ESYT2: variants seen among roughly 807,000 people sequenced by gnomAD.
ESYT2 encodes extended synaptotagmin-2.
Under a neutral mutation model 107.2 loss-of-function variants are expected in ESYT2, and 54 were observed. That is an observed-to-expected ratio of 0.50 (90% CI 0.40 to 0.63). The LOEUF (loss-of-function observed/expected upper bound fraction) is 0.63. Among genes scored for constraint, ESYT2 ranks in the 30% least tolerant of loss-of-function variants. The pLI, the probability that ESYT2 is intolerant of heterozygous loss-of-function variation, is 0.00. For synonymous variants in ESYT2, 491 were observed against 434.1 expected (o/e 1.13, Z -1.63); for missense variants, 1,020 against 1,094.5 (o/e 0.93, Z 0.96).
chr7:158,829,471 C>A lies in ESYT2; in HGVS notation c.-53G>T. 8.3e-7 allele frequency: 1 copy of A among 1,210,142 alleles called. No individual in the cohort carries two copies. The highest frequency in any genetic ancestry group is 1.0e-6 in the Non-Finnish European group (1 of 974,978). The allele number at this position is 1,210,142 out of a possible 1,614,324, so 75.0% of individuals were successfully genotyped here. On this transcript the variant is annotated 5_prime_UTR_variant, in exon 1 of 23. Transcript: ENST00000275418. The stretch of plus-strand genomic sequence containing the variant: ...GGCCGAGGCGGGCTGGGTGCTCGCG[C>A]TGATCCCGGGCGGCTCAGCCCCGCG...
intron 1 of ESYT2, among the ~76,000 whole-genome samples, chr7:158,826,991 T>C (rs188245393): frequency 7.4e-5 from 11 of 148,286 alleles, no homozygotes; most frequent in Admixed American, 2.7e-4. Context: ...GGTGAAACCC[T>C]GTTTCTACTA....
intron 1 of ESYT2, among the ~76,000 whole-genome samples, chr7:158,813,458 G>A (rs1840044041): frequency 6.6e-6 from 1 of 152,242 alleles, no homozygotes; most frequent in Admixed American, 6.5e-5. Flanking sequence ...AGTTGTGACA[G>A]ACATAGCAAA....
chr7:158,761,312 AT>A (rs1252524506), intron 11 of ESYT2, among the ~76,000 whole-genome samples, 183 bp downstream of exon 11: 1 of 152,116 alleles, frequency 6.6e-6, no homozygotes, highest in Non-Finnish European at 1.5e-5. Context: ...TCTTAAATTT[AT>A]TTTTCATTTG....
chr7:158,744,419 G>T (rs561012985), intron 16 of ESYT2, among the ~76,000 whole-genome samples: 4 of 152,268 alleles, frequency 2.6e-5, no homozygotes, highest in Admixed American at 1.3e-4. Context: ...CACTCATAAC[G>T]ATGTATACAG....
At chr7:158,748,504 C>A (rs1433832868) in intron 15 of ESYT2, among the ~76,000 whole-genome samples, 1 of 151,990 alleles carries the variant, frequency 6.6e-6, no homozygotes, top group East Asian at 1.9e-4. Context: ...CGGTCTAAAG[C>A]CTTTAGAGTT....
intron 17 of ESYT2, among the ~76,000 whole-genome samples, chr7:158,743,086 G>A (rs1837269668): frequency 2.0e-5 from 3 of 152,164 alleles, no homozygotes; most frequent in South Asian, 2.1e-4. Context: ...CAAATGAATC[G>A]TGATTTTGGA....
chr7:158,815,207 C>A (rs1000260077), intron 1 of ESYT2, among the ~76,000 whole-genome samples: 1 of 152,218 alleles, frequency 6.6e-6, no homozygotes, highest in Admixed American at 6.5e-5. Flanking sequence ...GCTATCCACA[C>A]GGTCTTCCGC....
chr7:158,806,722 C>A (rs545022524), intron 1 of ESYT2, among the ~76,000 whole-genome samples: 1 of 152,284 alleles, frequency 6.6e-6, no homozygotes, highest in South Asian at 2.1e-4. Flanking sequence ...ATTTCATAAT[C>A]GTGATTTAAG....
intron 2 of ESYT2, among the ~76,000 whole-genome samples, chr7:158,798,793 G>A (rs1839549374): frequency 6.6e-6 from 1 of 151,990 alleles, no homozygotes; most frequent in South Asian, 2.1e-4. Context: ...AAGACACATG[G>A]CCAGAGACAC....
At chr7:158,781,591 G>A (rs1165782347) in intron 6 of ESYT2, among the ~76,000 whole-genome samples, 1 of 151,076 alleles carries the variant, frequency 6.6e-6, no homozygotes, top group African/African-American at 2.4e-5. Flanking sequence ...AGAGGTTTGA[G>A]TATAAGACCG....
Position 158,764,803 on chromosome 7 carries a change from G to A in ESYT2, c.975C>T (p.Asp325=). Residue 325 remains aspartate, a synonymous_variant, in exon 9 of 23, where the codon GAC becomes GAT. Transcript: ENST00000275418. ...FIEAQDLQGK[D]TYLKGLVKGK... ...CCTTGACAAGTCCCTTAAGGTAAGT[G>A]TCTTTCCCCTGAAGATCCTGAGCTT... is the stretch of plus-strand genomic sequence containing the variant. The A allele has an allele frequency of 6.2e-7, 1 of 1,614,164 alleles. No individual in the cohort carries two copies. The highest frequency in any genetic ancestry group is 1.1e-5 in the South Asian group (1 of 91,080).
At chr7:158,768,030 T>G (rs1838224823) in intron 7 of ESYT2, among the ~76,000 whole-genome samples, 1 of 152,190 alleles carries the variant, frequency 6.6e-6, no homozygotes, top group Admixed American at 6.6e-5. Context: ...GTAATGTGGT[T>G]TTTGCAATTA....
chr7:158,739,197 G>T (rs7780879), intron 18 of ESYT2, 76 bp from the exon 19 acceptor site: 1 of 1,221,382 alleles, frequency 8.2e-7, no homozygotes, highest in Non-Finnish European at 1.2e-6. Context: ...CACTGTACAC[G>T]ATAAAATAAT....
At position 158,793,677 on chromosome 7, in the gene ESYT2, CT is replaced by C; in HGVS notation, c.556del (p.Arg186GlyfsTer12). The C allele has an allele frequency of 1.2e-6, 2 of 1,613,316 alleles. No homozygotes were observed. The highest frequency in any genetic ancestry group is 1.1e-5 in the South Asian group (1 of 91,046). ...AATCTGAAGGTCCAAAATAATTTGC[CT>C]TTTGTCTACATTTTCAGTGTATACC... is the stretch of plus-strand genomic sequence containing the variant. ...VKVYTENVDK[R>X]QIILDLQISF... On this transcript the variant is annotated frameshift_variant, in exon 4 of 23. Coordinates refer to ENST00000275418, the MANE Select transcript of ESYT2 (RefSeq NM_001367773.1). LOFTEE classifies it high-confidence loss of function.
intron 9 of ESYT2, among the ~76,000 whole-genome samples, chr7:158,764,051 G>A (rs1270024662): frequency 6.6e-6 from 1 of 152,156 alleles, no homozygotes; most frequent in African/African-American, 2.4e-5. Flanking sequence ...CTGTCCTGAA[G>A]GGTAATTCTA....
At chr7:158,742,680 C>G (rs2129471396) in intron 17 of ESYT2, among the ~76,000 whole-genome samples, 1 of 152,358 alleles carries the variant, frequency 6.6e-6, no homozygotes, top group Non-Finnish European at 1.5e-5. Flanking sequence ...CCTGGGCTGG[C>G]TTGAGCAGAG....
Position 158,734,006 on chromosome 7 carries a change from C to G in ESYT2, c.*201G>C. 1 of 614,968 alleles carries G rather than the reference C, an allele frequency of 1.6e-6. No individual in the cohort carries two copies. The highest frequency in any genetic ancestry group is 2.8e-6 in the Non-Finnish European group (1 of 361,666). 38.1% of individuals were successfully genotyped at this position (614,968 alleles called of 1,614,324 possible). ...TGCACGTTGTAGGAACTGGCGAAAT[C>G]CTAGAGGAAATCCAACACAGAAAAT... On this transcript the variant is annotated 3_prime_UTR_variant, in exon 23 of 23. Transcript: ENST00000275418.
chr7:158,797,499 G>A (rs1361040481), intron 3 of ESYT2, among the ~76,000 whole-genome samples: 2 of 151,866 alleles, frequency 1.3e-5, no homozygotes, highest in African/African-American at 4.8e-5. Flanking sequence ...TTGAGCCTAG[G>A]AGTCTGAGGC....
At chr7:158,745,637 C>A (rs774178108) in intron 16 of ESYT2, among the ~76,000 whole-genome samples, 2 of 151,738 alleles carry the variant, frequency 1.3e-5, no homozygotes, top group Non-Finnish European at 2.9e-5. Context: ...TCATGTCATA[C>A]AAAGTATGTA....
Sources: allele counts gnomAD v4.1 joint callset (sites outside exome capture counted in the v4.1 genomes callset), GRCh38; gene constraint gnomAD v4.1.1; transcripts MANE v1.5; gene names NCBI Gene and HGNC (gene_info 2026-07-23, HGNC 2026-07-21).